TENT4A: variants seen among roughly 807,000 people sequenced by gnomAD.
TENT4A encodes terminal nucleotidyltransferase 4A, also known as DNA polymerase kappa.
Under a neutral mutation model 72.8 loss-of-function variants are expected in TENT4A, and 7 were observed. The ratio of observed to expected loss-of-function variants is 0.10; its 90% CI spans 0.05 to 0.18. The LOEUF (loss-of-function observed/expected upper bound fraction) is 0.18, where lower values mean the gene tolerates loss of function less well. Among genes scored for constraint, TENT4A ranks in the 10% least tolerant of loss-of-function variants. TENT4A has a pLI of 1.00. For synonymous variants in TENT4A, 456 were observed against 434.3 expected (o/e 1.05, Z -0.62); for missense variants, 831 against 1,017.7 (o/e 0.82, Z 2.50).
intron 9 of TENT4A, among the ~76,000 whole-genome samples, chr5:6,750,008 A>T (rs1417174078): frequency 1.3e-5 from 2 of 152,230 alleles, no homozygotes; most frequent in Non-Finnish European, 2.9e-5. Context: ...ACTGTCTGAA[A>T]TCCGGTGTGT....
chr5:6,753,002 C>G lies in TENT4A; in HGVS notation c.2149C>G (p.Pro717Ala). ...MSSPAIPSAS[P>A]NPLSSPHLYH... The stretch of plus-strand genomic sequence containing the variant: ...TTCCCCGGCCATTCCCTCAGCGTCC[C>G]CCAACCCGCTCTCGAGCCCTCATCT... Residue 717 changes from proline to alanine, a missense_variant, in exon 12 of 13, where the codon CCC becomes GCC. By Grantham distance (27) the Pro-to-Ala change is conservative. This residue lies in a region of TENT4A where 332 missense variants were observed against 324.3 expected (regional missense o/e 1.02). Transcript: ENST00000230859. The G allele has an allele frequency of 1.2e-6, 2 of 1,614,196 alleles. No homozygotes were observed. The highest frequency in any genetic ancestry group is 1.7e-5 in the Admixed American group (1 of 60,022).
chr5:6,718,995 G>A (rs917659090), intron 1 of TENT4A, among the ~76,000 whole-genome samples: 10 of 151,968 alleles, frequency 6.6e-5, no homozygotes, highest in African/African-American at 1.7e-4. Flanking sequence ...CTTAATGCTC[G>A]TGCTGTGGAA....
chr5:6,750,481 C>A lies in TENT4A; in HGVS notation c.1838C>A (p.Ser613Tyr). 1 of 1,602,452 alleles carries A rather than the reference C, an allele frequency of 6.2e-7. No homozygotes were observed. Among genetic ancestry groups the A allele is most frequent in the Non-Finnish European group, 8.5e-7 (1 of 1,175,174 alleles). Residue 613 changes from serine (S) to tyrosine (Y), a missense_variant, in exon 10 of 13, where the codon TCT (serine) becomes TAT (tyrosine). Around this residue, in one of 3 missense-constraint regions of TENT4A, gnomAD observed 332 missense variants for 324.3 expected, o/e 1.02. Transcript: ENST00000230859. ...TCAGGCTCCTCGGCCTCTTCTGTGT[C>A]TTCACTTTCTGGGAGTGACGTTGTA... is the stretch of plus-strand genomic sequence containing the variant. ...LSSGSSASSV[S>Y]SLSGSDVDSD...
Position 6,714,214 on chromosome 5 carries a change from C to A in TENT4A, c.231C>A (p.Gly77=). The A allele has an allele frequency of 1.0e-6, 1 of 976,692 alleles. No homozygotes were observed. The highest frequency in any genetic ancestry group is 1.8e-5 in the African/African-American group (1 of 56,092). 60.5% of individuals were successfully genotyped at this position (976,692 alleles called of 1,614,324 possible). A position where few individuals can be genotyped will look rare whatever the true frequency, so the allele number is the denominator to read the frequency against. The part of the protein sequence containing the change: ...ALPAASPPPP[G]PTAPAALPPA... ...CCGCCGCGTCGCCCCCGCCGCCCGGCCCCACCGCGCCCGCCGCGCTGCCCC... is the reference window on the plus strand; with the variant it reads ...CCGCCGCGTCGCCCCCGCCGCCCGGACCCACCGCGCCCGCCGCGCTGCCCC... The change falls in exon 1 of 13, where the codon GGC becomes GGA. Residue 77 remains glycine, a synonymous_variant. Transcript: ENST00000230859.
intron 3 of TENT4A, among the ~76,000 whole-genome samples, chr5:6,739,330 G>T (rs1392063368): frequency 6.6e-6 from 1 of 152,202 alleles, no homozygotes; most frequent in Non-Finnish European, 1.5e-5. Flanking sequence ...GGGCCAGTGG[G>T]TAATTGAACA....
chr5:6,731,635 C>G (rs1436513790), intron 1 of TENT4A, among the ~76,000 whole-genome samples: 1 of 151,726 alleles, frequency 6.6e-6, no homozygotes, highest in East Asian at 1.9e-4. Flanking sequence ...GAATCCTGGG[C>G]TGTCAGCCTA....
At chr5:6,740,880 C>T (rs1741765967) in intron 4 of TENT4A, among the ~76,000 whole-genome samples, 2 of 152,246 alleles carry the variant, frequency 1.3e-5, no homozygotes, top group Non-Finnish European at 2.9e-5. Flanking sequence ...CTCTCCCAGC[C>T]ACTCTCATCA....
intron 4 of TENT4A, among the ~76,000 whole-genome samples, chr5:6,741,292 C>A (rs1218442723): frequency 6.6e-6 from 1 of 152,124 alleles, no homozygotes; most frequent in East Asian, 1.9e-4. Context: ...CACAAGAGAC[C>A]CAGGGCGAGG....
chr5:6,727,902 A>G (rs959182237), intron 1 of TENT4A, among the ~76,000 whole-genome samples: 6 of 152,196 alleles, frequency 3.9e-5, no homozygotes, highest in African/African-American at 1.4e-4. Context: ...GCTGCAGACC[A>G]CGAATCCCAT....
rs140169056 is a variant in TENT4A, at chr5:6,749,590, G to A, written c.1620G>A (p.Glu540=). 2.5e-5 allele frequency: 40 copies of A among 1,613,694 alleles called. No homozygotes were observed. The highest frequency in any genetic ancestry group is 3.3e-5 in the Admixed American group (2 of 60,002). Residue 540 remains glutamate, a synonymous_variant, in exon 9 of 13, where the codon GAG becomes GAA. Coordinates refer to ENST00000230859, the MANE Select transcript of TENT4A (RefSeq NM_006999.6). Reference sequence around the variant, plus strand: ...GAAGAATCATCAAAGTAACTCAGGAGGTGATTGACTACCGGAGGTGGATCA... The same window carrying A: ...GAAGAATCATCAAAGTAACTCAGGAAGTGATTGACTACCGGAGGTGGATCA... The part of the protein sequence containing the change: ...TLGRIIKVTQ[E]VIDYRRWIKE...
chr5:6,737,718 C>T, intron 2 of TENT4A, 85 bp downstream of exon 2: 1 of 1,422,158 alleles, frequency 7.0e-7, no homozygotes, highest in Non-Finnish European at 9.5e-7. Flanking sequence ...TCGGCTAGAT[C>T]CACACAGACC....
intron 1 of TENT4A, among the ~76,000 whole-genome samples, chr5:6,730,647 G>C (rs1047010926): frequency 8.6e-5 from 13 of 151,870 alleles, no homozygotes; most frequent in Non-Finnish European, 1.9e-4. Flanking sequence ...TCCCTGCCCA[G>C]AGTGGGCGGA....
At position 6,754,846 on chromosome 5, in the gene TENT4A, T is replaced by C. The variant is rs1012462912; in HGVS notation, c.2280T>C (p.Pro760=). 11 of 1,610,312 alleles carry C rather than the reference T, an allele frequency of 6.8e-6. No homozygotes were observed. The highest frequency in any genetic ancestry group is 9.3e-6 in the Non-Finnish European group (11 of 1,177,420). ...TGGGTAGCGGAGGTGTGCGGCCCCC[T>C]GTGGGCAACAGGGGACACCACCAGT... The part of the protein sequence containing the change: ...SSVGSGGVRP[P]VGNRGHHQYN... Residue 760 remains proline, a synonymous_variant, in exon 13 of 13, where the codon CCT becomes CCC. Coordinates refer to ENST00000230859, the MANE Select transcript of TENT4A (RefSeq NM_006999.6).
intron 1 of TENT4A, among the ~76,000 whole-genome samples, chr5:6,728,218 C>A (rs1474049815): frequency 6.6e-6 from 1 of 152,102 alleles, no homozygotes; most frequent in Non-Finnish European, 1.5e-5. Context: ...TCATCAGACT[C>A]AGTGAAGCAT....
intron 1 of TENT4A, among the ~76,000 whole-genome samples, chr5:6,726,900 A>G (rs989152895): frequency 6.6e-6 from 1 of 151,766 alleles, no homozygotes; most frequent in Admixed American, 6.6e-5. Context: ...TTTTCTCTTG[A>G]GTCTTGGATA....
At chr5:6,740,589 C>T (rs1236551135) in intron 4 of TENT4A, among the ~76,000 whole-genome samples, 1 of 130,524 alleles carries the variant, frequency 7.7e-6, no homozygotes, top group Non-Finnish European at 1.7e-5. Context: ...AGGGGGCATT[C>T]ACATGTTTCT....
chr5:6,754,864 C>A lies in TENT4A; in HGVS notation c.2298C>A (p.His766Gln). The change falls in exon 13 of 13, where the codon CAC becomes CAA. Residue 766 changes from histidine (H) to glutamine (Q), a missense_variant. By Grantham distance (24) the His-to-Gln change is conservative (BLOSUM62 0). Coordinates refer to ENST00000230859, the MANE Select transcript of TENT4A (RefSeq NM_006999.6). ...GGCCCCCTGTGGGCAACAGGGGACA[C>A]CACCAGTATAACCGCACCGGCTGGA... The part of the protein sequence containing the change: ...GVRPPVGNRG[H>Q]HQYNRTGWRR... The A allele has an allele frequency of 6.2e-7, 1 of 1,609,510 alleles. No homozygotes were observed. Among genetic ancestry groups the A allele is most frequent in the South Asian group, 1.1e-5 (1 of 90,842 alleles).
chr5:6,718,767 C>CA (rs1561024664), intron 1 of TENT4A, among the ~76,000 whole-genome samples: 2 of 152,202 alleles, frequency 1.3e-5, no homozygotes, highest in Non-Finnish European at 2.9e-5. Flanking sequence ...GAGTGCAAGA[C>CA]ACTGGCTGTG....
At chr5:6,725,377 T>C (rs1446997557) in intron 1 of TENT4A, among the ~76,000 whole-genome samples, 1 of 152,138 alleles carries the variant, frequency 6.6e-6, no homozygotes, top group Non-Finnish European at 1.5e-5. Flanking sequence ...GTGATGTCTG[T>C]CTTCTCAGGA....
Sources: allele counts gnomAD v4.1 joint callset (sites outside exome capture counted in the v4.1 genomes callset), GRCh38; gene constraint gnomAD v4.1.1; regional missense constraint gnomAD v4.1.1; transcripts MANE v1.5; gene names NCBI Gene and HGNC (gene_info 2026-07-23, HGNC 2026-07-21).